Variants in TBC1D22A observed in about 807,000 individuals in gnomAD.
TBC1D22A encodes TBC1 domain family member 22A.
Under a neutral mutation model 60.2 loss-of-function variants are expected in TBC1D22A, and 38 were observed. The observed-to-expected ratio is 0.63, with a 90% CI of 0.49 to 0.83. The LOEUF is 0.83. TBC1D22A is among the 40% of genes least tolerant of loss of function. The pLI, the probability that TBC1D22A is intolerant of heterozygous loss-of-function variation, is 0.00. For synonymous variants in TBC1D22A, 302 were observed against 281.7 expected (o/e 1.07, Z -0.72); for missense variants, 628 against 701.0 (o/e 0.90, Z 1.18).
intron 12 of TBC1D22A, among the ~76,000 whole-genome samples, chr22:47,135,612 G>C (rs1275574828): frequency 5.3e-5 from 8 of 152,214 alleles, no homozygotes; most frequent in Admixed American, 4.6e-4. Flanking sequence ...GAGGGGCCTC[G>C]AGGCCGGGTC....
Position 46,948,201 on chromosome 22 carries a change from A to T in TBC1D22A, c.1016-26089A>T, listed in dbSNP as rs144978234. ...TTTAGCTGAAAGAGAGAAAACAAGA[A>T]ATCAAAGCCCCTTAAGCAGGAAAGA... On this transcript the variant is annotated intron_variant, in intron 8 of 12. Transcript: ENST00000337137. Among the ~76,000 whole-genome samples, 58 of 152,342 alleles carry T rather than the reference A, an allele frequency of 3.8e-4. No individual in the cohort carries two copies. In the East Asian group the frequency reaches 0.011, roughly 29 times the overall value.
intron 8 of TBC1D22A, among the ~76,000 whole-genome samples, chr22:46,918,479 G>T (rs2070527960): frequency 6.6e-6 from 1 of 152,216 alleles, no homozygotes; most frequent in South Asian, 2.1e-4. Context: ...TGCCAGACCA[G>T]TGTGTGCCCC....
chr22:46,823,689 C>T (rs116398403), intron 4 of TBC1D22A, among the ~76,000 whole-genome samples: 2,146 of 152,292 alleles, frequency 0.014, 50 homozygotes, highest in African/African-American at 0.049. Flanking sequence ...TAAATGTTAG[C>T]GATGCTATTG....
At chr22:47,088,835 A>T (rs1476487975) in intron 11 of TBC1D22A, among the ~76,000 whole-genome samples, 1 of 152,186 alleles carries the variant, frequency 6.6e-6, no homozygotes, top group South Asian at 2.1e-4. Flanking sequence ...GACATTTCAC[A>T]CCTTCTGATG....
intron 1 of TBC1D22A, among the ~76,000 whole-genome samples, chr22:46,791,466 A>C (rs1316013152): frequency 1.3e-5 from 2 of 149,918 alleles, no homozygotes; most frequent in Non-Finnish European, 3.0e-5. Context: ...CTGAGGCCTC[A>C]CCTCTGTGTT....
intron 4 of TBC1D22A, among the ~76,000 whole-genome samples, chr22:46,874,333 G>C (rs752971067): frequency 6.6e-6 from 1 of 152,126 alleles, no homozygotes; most frequent in Admixed American, 6.5e-5. Flanking sequence ...TGGTATTTCT[G>C]TCTCTAGGTC....
intron 10 of TBC1D22A, 113 bp from the exon 11 acceptor site, chr22:47,036,958 G>A (rs911038107): frequency 1.1e-5 from 15 of 1,307,960 alleles, no homozygotes; most frequent in Non-Finnish European, 1.5e-5. Flanking sequence ...GGGATTCCCT[G>A]TTGGAGTGGG....
chr22:47,038,310 C>A (rs376685745), intron 11 of TBC1D22A, among the ~76,000 whole-genome samples: 77 of 152,278 alleles, frequency 5.1e-4, no homozygotes, highest in African/African-American at 1.8e-3. Flanking sequence ...GGGCAGCTGC[C>A]CTTGGAGGTT....
chr22:47,117,872 C>T (rs967556090), intron 12 of TBC1D22A, among the ~76,000 whole-genome samples: 5 of 152,166 alleles, frequency 3.3e-5, no homozygotes, highest in Non-Finnish European at 7.4e-5. Flanking sequence ...CCTGTAATCC[C>T]AGCACTTTGG....
chr22:46,765,957 ATGTGTGTGTG>A (rs747869318), intron 1 of TBC1D22A, among the ~76,000 whole-genome samples: 4,684 of 128,530 alleles, frequency 0.036, 196 homozygotes, highest in African/African-American at 0.079. Flanking sequence ...CAGCTAATTT[ATGTGTGTGTG>A]TGTGTGTGTG....
intron 11 of TBC1D22A, among the ~76,000 whole-genome samples, chr22:47,039,935 C>CTTTTTTTTTTTTTTTT (rs570751261): frequency 5.2e-5 from 4 of 77,296 alleles, no homozygotes; most frequent in African/African-American, 2.5e-4. Flanking sequence ...GTGCCACAGC[C>CTTTTTTTTTTTTTTTT]TTTTTTTTTT....
At chr22:46,880,057 C>T (rs1265639262) in intron 5 of TBC1D22A, among the ~76,000 whole-genome samples, 2 of 152,134 alleles carry the variant, frequency 1.3e-5, no homozygotes, top group African/African-American at 4.8e-5. Flanking sequence ...AGAGTGTGAA[C>T]CCAGGAGATC....
At chr22:46,977,083 A>G (rs2074328887) in intron 9 of TBC1D22A, among the ~76,000 whole-genome samples, 1 of 152,216 alleles carries the variant, frequency 6.6e-6, no homozygotes, top group Admixed American at 6.5e-5. Flanking sequence ...TGAGACTAAG[A>G]GAGATGAAGC....
At chr22:47,057,639 G>A (rs572448138) in intron 11 of TBC1D22A, among the ~76,000 whole-genome samples, 3 of 152,302 alleles carry the variant, frequency 2.0e-5, no homozygotes, top group South Asian at 4.1e-4. Context: ...GCAAAAGCGC[G>A]TCTTACATAG....
intron 12 of TBC1D22A, among the ~76,000 whole-genome samples, chr22:47,156,281 C>T (rs559864197): frequency 1.3e-4 from 20 of 152,348 alleles, no homozygotes; most frequent in African/African-American, 4.8e-4. Flanking sequence ...AGATGTCATT[C>T]TAAGTTTCAG....
At chr22:46,945,605 G>A (rs965639757) in intron 8 of TBC1D22A, among the ~76,000 whole-genome samples, 7 of 152,186 alleles carry the variant, frequency 4.6e-5, no homozygotes, top group Admixed American at 1.3e-4. Flanking sequence ...GACATCAGAA[G>A]CCCCAGGGGG....
intron 11 of TBC1D22A, among the ~76,000 whole-genome samples, chr22:47,108,837 AGGCACCC>A (rs1230099493): frequency 6.6e-6 from 1 of 152,134 alleles, no homozygotes; most frequent in Non-Finnish European, 1.5e-5. Context: ...CTGGGACTAC[AGGCACCC>A]GCCACCATGC....
chr22:46,800,449 T>TGAA (rs1466567264), intron 4 of TBC1D22A, among the ~76,000 whole-genome samples: 28 of 152,238 alleles, frequency 1.8e-4, no homozygotes, highest in Middle Eastern at 3.4e-3. Flanking sequence ...GTGCCCCTTC[T>TGAA]CTGCTGGCTC....
At chr22:46,983,982 G>A (rs540555262) in intron 9 of TBC1D22A, among the ~76,000 whole-genome samples, 4 of 152,210 alleles carry the variant, frequency 2.6e-5, no homozygotes, top group East Asian at 1.9e-4. Context: ...CTGGCTTTGA[G>A]TGTGTGCTTT....
Sources: allele counts gnomAD v4.1 joint callset (sites outside exome capture counted in the v4.1 genomes callset), GRCh38; gene constraint gnomAD v4.1.1; transcripts MANE v1.5; gene names NCBI Gene and HGNC (gene_info 2026-07-23, HGNC 2026-07-21).